The following UBE4B variants were observed in gnomAD, a reference collection of about 807,000 sequenced individuals.
The protein encoded by UBE4B is ubiquitin conjugation factor E4 B.
Under a neutral mutation model 148.1 loss-of-function variants are expected in UBE4B, and 27 were observed. The ratio of observed to expected loss-of-function variants is 0.18; its 90% CI spans 0.13 to 0.25. The LOEUF (loss-of-function observed/expected upper bound fraction) is 0.25. UBE4B is among the 10% of genes least tolerant of loss of function. UBE4B has a pLI of 1.00. For missense variants in UBE4B, 1,170 were observed against 1,662.4 expected (o/e 0.70, Z 5.15); for synonymous variants, 596 against 619.3 (o/e 0.96, Z 0.56).
rs1366768691 is a variant in UBE4B at position 10,106,261 on chromosome 1, T to G, written c.874T>G (p.Ser292Ala). The change falls in exon 7 of 28, where the codon TCT (serine) becomes GCT (alanine). Residue 292 changes from serine (S) to alanine (A), a missense_variant. Ser to Ala is a moderately conservative substitution (Grantham distance 99). Around this residue, in one of 6 missense-constraint regions of UBE4B, gnomAD observed 214 missense variants for 209.1 expected, o/e 1.02. Coordinates refer to ENST00000343090, the MANE Select transcript of UBE4B (RefSeq NM_001105562.3). The surrounding 1 kb of genome is among the most constrained non-coding windows in gnomAD (Gnocchi z 4.2). ...GAGCTCTGTTCCCGTGATGGGCCCGTCTCTTGCCTCACCTTCCCGTGCAGC... is the reference window on the plus strand; with the variant it reads ...GAGCTCTGTTCCCGTGATGGGCCCGGCTCTTGCCTCACCTTCCCGTGCAGC... Reference protein sequence around the residue: ...FWSSVPVMGPSLASPSRAASQ... With the variant: ...FWSSVPVMGPALASPSRAASQ... 1.2e-6 allele frequency: 2 copies of G among 1,613,942 alleles called. No individual in the cohort carries two copies. Among genetic ancestry groups the G allele is most frequent in the Non-Finnish European group, 1.7e-6 (2 of 1,179,972 alleles).
intron 2 of UBE4B, among the ~76,000 whole-genome samples, chr1:10,088,445 A>G (rs533790525): frequency 5.9e-5 from 9 of 152,026 alleles, no homozygotes; most frequent in South Asian, 2.1e-4. Context: ...CAGTGGCGCA[A>G]TCTCACTGCA....
chr1:10,175,677 A>G (rs1421820262), intron 25 of UBE4B, among the ~76,000 whole-genome samples: 6 of 152,008 alleles, frequency 3.9e-5, no homozygotes, highest in Admixed American at 2.0e-4. Flanking sequence ...AAATAAATAA[A>G]AAAGAAAATA....
chr1:10,146,047 T>C (rs1557594509), intron 18 of UBE4B, among the ~76,000 whole-genome samples: 2 of 152,208 alleles, frequency 1.3e-5, no homozygotes, highest in African/African-American at 4.8e-5. Flanking sequence ...ATTTCAGTTT[T>C]ATTTACTAAT....
At chr1:10,067,318 T>C (rs1644407199) in intron 1 of UBE4B, among the ~76,000 whole-genome samples, 1 of 152,154 alleles carries the variant, frequency 6.6e-6, no homozygotes, top group Non-Finnish European at 1.5e-5. Flanking sequence ...ATTTCATGAT[T>C]AGTATGTGTG....
chr1:10,108,368 C>T (rs989581328), intron 7 of UBE4B, among the ~76,000 whole-genome samples: 1 of 152,162 alleles, frequency 6.6e-6, no homozygotes, highest in Non-Finnish European at 1.5e-5. Flanking sequence ...GTTTAAAGAG[C>T]CTTTGAAATG....
intron 7 of UBE4B, among the ~76,000 whole-genome samples, chr1:10,116,402 G>T (rs187452088): frequency 1.6e-4 from 24 of 152,150 alleles, no homozygotes; most frequent in Non-Finnish European, 2.9e-4. Context: ...CTTGGTGTAC[G>T]AAAGTGCTGG....
At chr1:10,071,168 G>A (rs1223001158) in intron 1 of UBE4B, among the ~76,000 whole-genome samples, 2 of 152,252 alleles carry the variant, frequency 1.3e-5, no homozygotes, top group Admixed American at 1.3e-4. Context: ...GCCTCCCAGA[G>A]TGCTGGGATT....
Position 10,161,296 on chromosome 1 carries a change from T to C in UBE4B, c.3198+10T>C, listed in dbSNP as rs367871589. ...GGACCAGTTGCCCCGGGTGAGGACG[T>C]GGTCCAGAGGCTTGGACAGCTTTGC... On this transcript the variant is annotated intron_variant, in intron 23 of 27. Transcript: ENST00000343090. This position sits in a 1 kb window ranked among gnomAD's most constrained non-coding sequence, Gnocchi z 4.1. The C allele has an allele frequency of 7.3e-5, 118 of 1,613,888 alleles. No homozygotes were observed. The African/African-American group carries it at 1.3e-3, about 17-fold the overall frequency.
intron 2 of UBE4B, among the ~76,000 whole-genome samples, chr1:10,081,404 T>C (rs1210622839): frequency 6.6e-6 from 1 of 151,872 alleles, no homozygotes; most frequent in African/African-American, 2.4e-5. Context: ...AACAACATCC[T>C]TCCATATCCT....
At chr1:10,046,496 G>C (rs971764008) in intron 1 of UBE4B, among the ~76,000 whole-genome samples, 3 of 152,122 alleles carry the variant, frequency 2.0e-5, no homozygotes, top group African/African-American at 7.2e-5. Context: ...AGAATGGGGA[G>C]TAATACTCTG....
intron 7 of UBE4B, among the ~76,000 whole-genome samples, chr1:10,113,980 G>A (rs558823750): frequency 2.0e-5 from 3 of 150,662 alleles, no homozygotes; most frequent in South Asian, 2.1e-4. Context: ...CAGGAGAATC[G>A]CTTGAACCTG....
At chr1:10,093,471 A>G (rs1644881159) in intron 2 of UBE4B, among the ~76,000 whole-genome samples, 1 of 152,148 alleles carries the variant, frequency 6.6e-6, no homozygotes, top group Non-Finnish European at 1.5e-5. Flanking sequence ...TTAGTTTCTT[A>G]TTTCCTTCAT....
At chr1:10,163,621 T>G (rs1433891056) in intron 23 of UBE4B, among the ~76,000 whole-genome samples, 1 of 151,780 alleles carries the variant, frequency 6.6e-6, no homozygotes, top group African/African-American at 2.4e-5. Context: ...TGAGCCAAGA[T>G]CGCACCACTG....
intron 1 of UBE4B, among the ~76,000 whole-genome samples, chr1:10,044,815 T>C (rs1643880604): frequency 6.6e-6 from 1 of 152,060 alleles, no homozygotes; most frequent in Non-Finnish European, 1.5e-5. Flanking sequence ...ACTCCTGAGC[T>C]CAAGCAGTCC....
intron 1 of UBE4B, among the ~76,000 whole-genome samples, chr1:10,063,833 G>T (rs1170844480): frequency 6.6e-6 from 1 of 151,680 alleles, no homozygotes; most frequent in Non-Finnish European, 1.5e-5. Context: ...GCTTGAACCA[G>T]GGAGGCAGAG....
Position 10,135,456 on chromosome 1 carries a change from T to C in UBE4B, c.2224+270T>C, listed in dbSNP as rs556588936. Among the ~76,000 whole-genome samples the C allele has an allele frequency of 9.9e-5, 15 of 151,640 alleles. No homozygotes were observed. The South Asian group carries it at 2.9e-3, about 30-fold the overall frequency. On this transcript the variant is annotated intron_variant, in intron 16 of 27. Transcript: ENST00000343090. Reference sequence around the variant, plus strand: ...CCGTCTCTACTAAAAATACAAAAATTAGCTGGGCATGGTGGCACACGCCTG... The same window carrying C: ...CCGTCTCTACTAAAAATACAAAAATCAGCTGGGCATGGTGGCACACGCCTG...
rs576657010 is a variant in UBE4B at position 10,171,429 on chromosome 1, G to A, written c.3525+100G>A. On this transcript the variant is annotated intron_variant, in intron 25 of 27. Transcript: ENST00000343090. The stretch of plus-strand genomic sequence containing the variant: ...TCGTCTGGTGTAAATGAAGATGAGT[G>A]GGTTGTTTTCCTTTGAGTGTGAAGA... The A allele has an allele frequency of 1.6e-4, 232 of 1,413,268 alleles. 2 individuals carry two copies. In the South Asian group the frequency reaches 3.0e-3, roughly 18 times the overall value. The allele number at this position is 1,413,268 out of a possible 1,614,324, so 87.5% of individuals were successfully genotyped here. A position where few individuals can be genotyped will look rare whatever the true frequency, so the allele number is the denominator to read the frequency against.
intron 23 of UBE4B, among the ~76,000 whole-genome samples, chr1:10,162,441 G>A (rs1646179265): frequency 6.6e-6 from 1 of 152,088 alleles, no homozygotes; most frequent in Admixed American, 6.6e-5. Flanking sequence ...CCAAAGTGCT[G>A]GGATTACAGG....
intron 23 of UBE4B, among the ~76,000 whole-genome samples, chr1:10,165,576 C>G (rs1337290935): frequency 1.3e-5 from 2 of 152,110 alleles, no homozygotes; most frequent in East Asian, 1.9e-4. Flanking sequence ...GGACCTGGCC[C>G]CACAATGTGT....
Sources: gnomAD v4.1 joint callset for allele counts (sites outside exome capture counted in the v4.1 genomes callset) on GRCh38, gnomAD v4.1.1 for gene constraint, gnomAD v4.1.1 regional missense constraint, Gnocchi (gnomAD v3.1) non-coding constraint, MANE v1.5 for transcripts, NCBI Gene and HGNC (gene_info 2026-07-23, HGNC 2026-07-21) for gene names.